Variants in CD99 observed in about 807,000 individuals in gnomAD.
CD99 encodes the protein CD99 antigen.
Under a neutral mutation model 28.4 loss-of-function variants are expected in CD99, and 19 were observed. That is an observed-to-expected ratio of 0.67 (90% CI 0.47 to 0.98). The LOEUF is 0.98. Ranked by LOEUF, CD99 falls within the 50% of genes least tolerant of loss-of-function variation. The pLI, the probability that CD99 is intolerant of heterozygous loss-of-function variation, is 0.00. For missense variants in CD99, 283 were observed against 248.8 expected, an observed-to-expected ratio of 1.14 and a Z score of -0.92; for synonymous variants, 103 against 92.1, an observed-to-expected ratio of 1.12 and a Z score of -0.67.
In CD99 at chrX:2,714,441, C is replaced by T. The variant is rs1136447; in HGVS notation, c.87C>T (p.Ser29=). The T allele has an allele frequency of 0.47, 748,079 of 1,588,246 alleles. 185,305 individuals are homozygous for T. Among genetic ancestry groups the T allele is most frequent in the Non-Finnish European group, 0.51 (594,464 of 1,159,428 alleles). ...TCTTAGATGGTGGTTTCGATTTATC[C>T]GATGCCCTTCCTGGTGAGTATCAAC... The part of the protein sequence containing the change: ...VAAPDGGFDL[S]DALPDNENKK... The change falls in exon 2 of 10, where the codon TCC becomes TCT. Residue 29 remains serine (S), a synonymous_variant. Transcript: ENST00000381192.
chrX:2,729,442 A>G (rs2049475579), intron 8 of CD99, among the ~76,000 whole-genome samples: 1 of 19,194 alleles, frequency 5.2e-5, no homozygotes, highest in Admixed American at 3.6e-4. Context: ...AGGAAACTTA[A>G]CAATCATGGC....
At chrX:2,704,088 C>G (rs1326894886) in intron 1 of CD99, among the ~76,000 whole-genome samples, 1 of 152,150 alleles carries the variant, frequency 6.6e-6, no homozygotes, top group Non-Finnish European at 1.5e-5. Context: ...GGGTGAGACC[C>G]AGGATTCCAC....
In CD99 at chrX:2,691,340, C is replaced by A; in HGVS notation, c.-21C>A. On this transcript the variant is annotated 5_prime_UTR_variant, in exon 1 of 10. Coordinates refer to ENST00000381192, the MANE Select transcript of CD99 (RefSeq NM_002414.5). ...CCACGCCCTGCACTCCGGGACCGTC[C>A]CTGCGCGCTCTGGGCGCACCATGGC... 6.5e-7 allele frequency: 1 copy of A among 1,549,540 alleles called. No homozygotes were observed. The highest frequency in any genetic ancestry group is 1.4e-5 in the African/African-American group (1 of 71,498).
chrX:2,705,126 C>T (rs1455311078), intron 1 of CD99, among the ~76,000 whole-genome samples: 25 of 152,200 alleles, frequency 1.6e-4, no homozygotes, highest in Admixed American at 2.6e-4. Flanking sequence ...TTCCAGGGCC[C>T]GGCGGCCACT....
At chrX:2,716,049 C>T (rs1412764264) in intron 2 of CD99, among the ~76,000 whole-genome samples, 4 of 147,228 alleles carry the variant, frequency 2.7e-5, no homozygotes, top group South Asian at 2.1e-4. Context: ...GATGGAGTCT[C>T]TCTCTGTCAC....
At chrX:2,728,825 ACT>A (rs1414007817) in intron 8 of CD99, among the ~76,000 whole-genome samples, 1 of 146,092 alleles carries the variant, frequency 6.8e-6, no homozygotes, top group Non-Finnish European at 1.5e-5. Flanking sequence ...TGTATTTCAA[ACT>A]CTCTGGCTTT....
chrX:2,730,895 A>C (rs2049563439), intron 8 of CD99, among the ~76,000 whole-genome samples: 1 of 144,616 alleles, frequency 6.9e-6, no homozygotes. Context: ...GTGCCACCAC[A>C]CTCCAGCCTG....
chrX:2,704,118 A>C (rs1286613073), intron 1 of CD99, among the ~76,000 whole-genome samples: 2 of 152,206 alleles, frequency 1.3e-5, no homozygotes, highest in Non-Finnish European at 2.9e-5. Context: ...GGTCCCTCGC[A>C]GGGCGATTCT....
At chrX:2,706,662 T>C (rs2048131243) in intron 1 of CD99, among the ~76,000 whole-genome samples, 1 of 152,030 alleles carries the variant, frequency 6.6e-6, no homozygotes, top group African/African-American at 2.4e-5. Context: ...CTCCCACCCT[T>C]AATGGAGATG....
intron 1 of CD99, among the ~76,000 whole-genome samples, chrX:2,711,975 G>A (rs2048429868): frequency 6.6e-6 from 1 of 152,180 alleles, no homozygotes; most frequent in South Asian, 2.1e-4. Context: ...CCAGGAGGCG[G>A]AGGTTGTAGT....
chrX:2,691,529 C>T, intron 1 of CD99, 102 bp downstream of exon 1: 3 of 1,304,932 alleles, frequency 2.3e-6, no homozygotes, highest in African/African-American at 1.5e-5. Flanking sequence ...CGGGGACACC[C>T]GGAGCCTCCT....
At chrX:2,707,966 T>C (rs935841297) in intron 1 of CD99, among the ~76,000 whole-genome samples, 3 of 152,084 alleles carry the variant, frequency 2.0e-5, no homozygotes, top group Non-Finnish European at 2.9e-5. Flanking sequence ...TCCTAGGCAA[T>C]AAAGAGAGCA....
At chrX:2,713,692 G>A (rs989728885) in intron 1 of CD99, among the ~76,000 whole-genome samples, 1 of 152,052 alleles carries the variant, frequency 6.6e-6, no homozygotes, top group Non-Finnish European at 1.5e-5. Context: ...GCCACCCACC[G>A]CCAGGTGCTT....
At chrX:2,726,234 A>G (rs755253182) in intron 7 of CD99, 26 bp from the exon 8 acceptor site, 1 of 1,438,286 alleles carries the variant, frequency 7.0e-7, no homozygotes, top group South Asian at 1.1e-5. Context: ...TGTCTCAATC[A>G]CGATGCTGTG....
intron 2 of CD99, chrX:2,715,718 C>G (rs975694261): frequency 1.3e-5 from 2 of 152,334 alleles, no homozygotes; most frequent in African/African-American, 4.8e-5. Flanking sequence ...TTTGGTGGCT[C>G]TAGGGGAGGA....
intron 1 of CD99, among the ~76,000 whole-genome samples, chrX:2,696,952 C>CAGG (rs2047604516): frequency 6.6e-6 from 1 of 152,164 alleles, no homozygotes; most frequent in South Asian, 2.1e-4. Context: ...TTCCGCTTAG[C>CAGG]AGGAAACCAG....
At chrX:2,693,727 G>C (rs139186943) in intron 1 of CD99, among the ~76,000 whole-genome samples, 172 of 152,226 alleles carry the variant, frequency 1.1e-3, no homozygotes, top group East Asian at 7.4e-3. Context: ...GGTACAGGTG[G>C]GATGTGGTGA....
At chrX:2,697,655 A>G (rs949791581) in intron 1 of CD99, among the ~76,000 whole-genome samples, 35 of 152,050 alleles carry the variant, frequency 2.3e-4, no homozygotes, top group Non-Finnish European at 1.5e-5. Context: ...AACACACTGC[A>G]TTGTCTTTTA....
At chrX:2,735,037 G>A (rs1258112908) in intron 8 of CD99, among the ~76,000 whole-genome samples, 2 of 152,074 alleles carry the variant, frequency 1.3e-5, no homozygotes, top group African/African-American at 4.8e-5. Flanking sequence ...TGAAGGATGT[G>A]TCCCAAGGTG....
Sources: allele counts gnomAD v4.1 joint callset (sites outside exome capture counted in the v4.1 genomes callset), GRCh38; gene constraint gnomAD v4.1.1; transcripts MANE v1.5; gene names NCBI Gene and HGNC (gene_info 2026-07-23, HGNC 2026-07-21).